The following LRRTM4 variants were observed in gnomAD, a reference collection of about 807,000 sequenced individuals.
LRRTM4 encodes the protein leucine-rich repeat transmembrane neuronal protein 4.
LRRTM4 carries 25 observed loss-of-function variants against 47.6 expected under a neutral mutation model. That is an observed-to-expected ratio of 0.53 (90% CI 0.38 to 0.73). The LOEUF is 0.73. LRRTM4 is among the 30% of genes least tolerant of loss of function. The pLI is 0.00. For synonymous variants in LRRTM4, 311 were observed against 269.5 expected, an observed-to-expected ratio of 1.15 and a Z score of -1.51; for missense variants, 638 against 713.4, an observed-to-expected ratio of 0.89 and a Z score of 1.20.
At chr2:76,837,987 A>G (rs1369713459) in intron 3 of LRRTM4, among the ~76,000 whole-genome samples, 2 of 151,810 alleles carry the variant, frequency 1.3e-5, no homozygotes, top group African/African-American at 2.4e-5. Context: ...CCTAATGCTA[A>G]ATGACGAGTT....
intron 3 of LRRTM4, among the ~76,000 whole-genome samples, chr2:77,318,187 T>C (rs939949345): frequency 2.0e-5 from 3 of 152,014 alleles, no homozygotes; most frequent in Non-Finnish European, 4.4e-5. Flanking sequence ...TTTGTATTTT[T>C]AGTAGAGACG....
chr2:76,865,581 T>C (rs936686085), intron 3 of LRRTM4, among the ~76,000 whole-genome samples: 1 of 152,224 alleles, frequency 6.6e-6, no homozygotes, highest in Non-Finnish European at 1.5e-5. Flanking sequence ...GATTTTCACA[T>C]AAGTTCTCAT....
chr2:76,840,993 C>G (rs940036930), intron 3 of LRRTM4, among the ~76,000 whole-genome samples: 4 of 151,300 alleles, frequency 2.6e-5, no homozygotes, highest in African/African-American at 9.8e-5. Context: ...TATTGTGGCA[C>G]TACTCACAAT....
chr2:77,050,060 T>C (rs1019649677), intron 3 of LRRTM4, among the ~76,000 whole-genome samples: 7 of 151,860 alleles, frequency 4.6e-5, no homozygotes, highest in Admixed American at 1.3e-4. Flanking sequence ...ACTTGTCCTT[T>C]GGAGCAGAGG....
intron 3 of LRRTM4, among the ~76,000 whole-genome samples, chr2:76,960,876 T>A (rs531219245): frequency 2.0e-5 from 3 of 151,624 alleles, no homozygotes; most frequent in African/African-American, 4.8e-5. Flanking sequence ...TGGCACATTT[T>A]AAAAAATAAA....
At chr2:77,450,172 A>T (rs1676202845) in intron 3 of LRRTM4, among the ~76,000 whole-genome samples, 1 of 152,230 alleles carries the variant, frequency 6.6e-6, no homozygotes, top group African/African-American at 2.4e-5. Context: ...GACACCTGAT[A>T]CTACCTGGTG....
intron 3 of LRRTM4, among the ~76,000 whole-genome samples, chr2:76,779,693 G>C (rs1189249061): frequency 6.6e-6 from 1 of 151,882 alleles, no homozygotes; most frequent in Non-Finnish European, 1.5e-5. Flanking sequence ...ACAGCACACT[G>C]ATGGGTCTTG....
At chr2:76,829,829 A>C (rs1338348641) in intron 3 of LRRTM4, among the ~76,000 whole-genome samples, 1 of 151,992 alleles carries the variant, frequency 6.6e-6, no homozygotes, top group Non-Finnish European at 1.5e-5. Flanking sequence ...ATTTTAATTC[A>C]TCAGGGTTGT....
chr2:77,057,319 GAA>G (rs1409229146), intron 3 of LRRTM4, among the ~76,000 whole-genome samples: 1 of 152,088 alleles, frequency 6.6e-6, no homozygotes, highest in Non-Finnish European at 1.5e-5. Context: ...AAAAAAACTG[GAA>G]AAGACTAGGC....
intron 3 of LRRTM4, among the ~76,000 whole-genome samples, chr2:76,864,217 A>G (rs1405209065): frequency 1.3e-5 from 2 of 152,238 alleles, no homozygotes; most frequent in African/African-American, 4.8e-5. Context: ...GATTCAGATC[A>G]AAAGGTAGGA....
intron 3 of LRRTM4, among the ~76,000 whole-genome samples, chr2:77,027,590 C>G (rs1358124597): frequency 6.6e-6 from 1 of 152,134 alleles, no homozygotes; most frequent in African/African-American, 2.4e-5. Flanking sequence ...TACACCAATC[C>G]TACCAGTGTA....
At chr2:76,903,569 A>G (rs1673718536) in intron 3 of LRRTM4, among the ~76,000 whole-genome samples, 1 of 152,074 alleles carries the variant, frequency 6.6e-6, no homozygotes, top group South Asian at 2.1e-4. Flanking sequence ...AGAACAAACA[A>G]AACAACAACA....
chr2:77,241,233 CACACACACACACAT>C lies in LRRTM4; in HGVS notation c.1551+277071_1551+277084del, dbSNP rs762189555. 6.8e-3 allele frequency among the ~76,000 whole-genome samples: 757 copies of C among 111,318 alleles called. 3 individuals are homozygous for C. The highest frequency in any genetic ancestry group is 0.026 in the African/African-American group (573 of 22,374). The allele number at this position is 111,318 out of a possible 152,430, so 73.0% of individuals were successfully genotyped here. ...ACACACACACACACACACACACACA[CACACACACACACAT>C]GGGTCTAGAAACAAACCTAAATATA... is the stretch of plus-strand genomic sequence containing the variant. On this transcript the variant is annotated intron_variant, in intron 3 of 3. Transcript: ENST00000409884.
chr2:77,146,117 G>A (rs893131214), intron 3 of LRRTM4, among the ~76,000 whole-genome samples: 3 of 151,884 alleles, frequency 2.0e-5, no homozygotes, highest in Non-Finnish European at 4.4e-5. Flanking sequence ...TTATTCTTTT[G>A]TTTCTCTTAA....
intron 3 of LRRTM4, among the ~76,000 whole-genome samples, chr2:77,130,960 A>G (rs1332558358): frequency 8.2e-6 from 1 of 121,664 alleles, no homozygotes. Flanking sequence ...TCAGCCTCCC[A>G]AGTAGCTGGG....
intron 3 of LRRTM4, among the ~76,000 whole-genome samples, chr2:76,806,049 C>T (rs1417569261): frequency 2.0e-5 from 3 of 152,108 alleles, no homozygotes; most frequent in Admixed American, 2.0e-4. Context: ...CAGCTACAAT[C>T]AACGAAACTA....
intron 3 of LRRTM4, among the ~76,000 whole-genome samples, chr2:77,260,464 T>A (rs1675890515): frequency 6.6e-6 from 1 of 150,770 alleles, no homozygotes; most frequent in South Asian, 2.1e-4. Context: ...TATAATACAG[T>A]ACTATACAAG....
At chr2:77,432,349 T>C (rs960488213) in intron 3 of LRRTM4, among the ~76,000 whole-genome samples, 30 of 152,184 alleles carry the variant, frequency 2.0e-4, no homozygotes, top group African/African-American at 7.2e-4. Context: ...CATCGTCGAT[T>C]AGCTTTCAAC....
At chr2:77,294,105 A>G (rs1172886063) in intron 3 of LRRTM4, among the ~76,000 whole-genome samples, 1 of 152,112 alleles carries the variant, frequency 6.6e-6, no homozygotes, top group Admixed American at 6.6e-5. Context: ...TGTTTTTCTT[A>G]TCTCTGGATT....
Sources: allele counts gnomAD v4.1 joint callset (sites outside exome capture counted in the v4.1 genomes callset), GRCh38; gene constraint gnomAD v4.1.1; transcripts MANE v1.5; gene names NCBI Gene and HGNC (gene_info 2026-07-23, HGNC 2026-07-21).